SDC2: variants seen among roughly 807,000 people sequenced by gnomAD.
SDC2 encodes the protein syndecan 2, also known as syndecan-2.
A neutral mutation model predicts 22.2 loss-of-function variants in SDC2; 13 were observed. That is an observed-to-expected ratio of 0.59 (90% CI 0.38 to 0.93). The LOEUF (loss-of-function observed/expected upper bound fraction) is 0.93, where lower values mean the gene tolerates loss of function less well. Among genes scored for constraint, SDC2 ranks in the 40% least tolerant of loss-of-function variants. The pLI is 0.00. For missense variants in SDC2, 235 were observed against 246.8 expected, an observed-to-expected ratio of 0.95 and a Z score of 0.32; for synonymous variants, 94 against 92.8, an observed-to-expected ratio of 1.01 and a Z score of -0.07.
At chr8:96,576,412 T>TTC (rs1298064930) in intron 1 of SDC2, among the ~76,000 whole-genome samples, 2 of 34,808 alleles carry the variant, frequency 5.7e-5, no homozygotes, top group East Asian at 6.9e-4. Context: ...TGCTTTATTA[T>TTC]TCTCTTTTTT....
chr8:96,571,498 C>T (rs1039587593), intron 1 of SDC2, among the ~76,000 whole-genome samples: 4 of 152,150 alleles, frequency 2.6e-5, no homozygotes, highest in Admixed American at 6.5e-5. Context: ...TTAAACCATG[C>T]GAAATTGCTG....
rs571552792 is a variant in SDC2 at position 96,583,661 on chromosome 8, A to AAT, written c.61-9810_61-9809dup. Among the ~76,000 whole-genome samples the AAT allele has an allele frequency of 4.2e-5, 6 of 142,606 alleles. No homozygotes were observed. In the South Asian group the frequency reaches 9.1e-4, roughly 22 times the overall value. 93.6% of individuals were successfully genotyped at this position (142,606 alleles called of 152,430 possible). ...TCTATTCCCTTTCAGTGCTTGGCCA[A>AAT]ATATATATATGTATTTGAAATATAT... On this transcript the variant is annotated intron_variant, in intron 1 of 4. Transcript: ENST00000302190.
In SDC2 at chr8:96,501,295, C is replaced by CTTTTT. The variant is rs35998270; in HGVS notation, c.60+6989_60+6993dup. 6.7e-4 allele frequency among the ~76,000 whole-genome samples: 37 copies of CTTTTT among 55,160 alleles called. 1 individual carries two copies. Among genetic ancestry groups the CTTTTT allele is most frequent in the African/African-American group, 9.4e-4 (13 of 13,808 alleles). The allele number at this position is 55,160 out of a possible 152,430, so 36.2% of individuals were successfully genotyped here. ...TAAGGGAAAAGTTAAATACGTATTT[C>CTTTTT]TTTTTTTTTTTTTTTTTTTTTTTTT... is the stretch of plus-strand genomic sequence containing the variant. On this transcript the variant is annotated intron_variant, in intron 1 of 4. Coordinates refer to ENST00000302190, the MANE Select transcript of SDC2 (RefSeq NM_002998.4).
intron 1 of SDC2, among the ~76,000 whole-genome samples, chr8:96,525,232 C>T (rs1813559059): frequency 6.6e-6 from 1 of 152,204 alleles, no homozygotes; most frequent in South Asian, 2.1e-4. Context: ...AGGGCAGGAA[C>T]TGGCACTGTC....
At chr8:96,595,786 C>A (rs980596578) in intron 2 of SDC2, among the ~76,000 whole-genome samples, 1 of 152,154 alleles carries the variant, frequency 6.6e-6, no homozygotes, top group South Asian at 2.1e-4. Flanking sequence ...CCTCTACAGA[C>A]CCCCTGCCCC....
chr8:96,561,009 C>A (rs1358628786), intron 1 of SDC2, among the ~76,000 whole-genome samples: 1 of 152,112 alleles, frequency 6.6e-6, no homozygotes, highest in Non-Finnish European at 1.5e-5. Context: ...GAGGCTGAGG[C>A]ATGAGAATCA....
chr8:96,565,811 A>G (rs1814290758), intron 1 of SDC2, among the ~76,000 whole-genome samples: 1 of 152,170 alleles, frequency 6.6e-6, no homozygotes, highest in South Asian at 2.1e-4. Flanking sequence ...TGGGAGGTGA[A>G]GGATTCAGGG....
intron 1 of SDC2, among the ~76,000 whole-genome samples, chr8:96,565,636 G>A (rs1814288032): frequency 6.6e-6 from 1 of 152,156 alleles, no homozygotes; most frequent in African/African-American, 2.4e-5. Flanking sequence ...AGTACTGAAT[G>A]TGTGGCCTTT....
intron 1 of SDC2, among the ~76,000 whole-genome samples, chr8:96,560,881 G>A (rs1034351125): frequency 2.0e-5 from 3 of 152,160 alleles, no homozygotes; most frequent in Non-Finnish European, 4.4e-5. Flanking sequence ...TGAGGTGGAC[G>A]GGTCACTTGA....
At chr8:96,559,716 C>G (rs1032167376) in intron 1 of SDC2, among the ~76,000 whole-genome samples, 4 of 152,108 alleles carry the variant, frequency 2.6e-5, no homozygotes, top group African/African-American at 9.7e-5. Context: ...CTTGTAGTCT[C>G]CATTCTCTAA....
intron 1 of SDC2, among the ~76,000 whole-genome samples, chr8:96,521,439 G>A (rs1045739835): frequency 1.3e-5 from 2 of 152,134 alleles, no homozygotes; most frequent in African/African-American, 4.8e-5. Context: ...AAGGAAGGAT[G>A]TTTATGGAAT....
At chr8:96,579,434 A>G (rs1243146377) in intron 1 of SDC2, among the ~76,000 whole-genome samples, 1 of 152,240 alleles carries the variant, frequency 6.6e-6, no homozygotes, top group Non-Finnish European at 1.5e-5. Flanking sequence ...GTGAAAAGGC[A>G]AACTTGACAG....
intron 1 of SDC2, among the ~76,000 whole-genome samples, chr8:96,559,254 G>C (rs2575715): frequency 6.6e-5 from 10 of 152,208 alleles, no homozygotes; most frequent in African/African-American, 1.9e-4. Flanking sequence ...TTGAGGTGAG[G>C]CTTGAAAGAT....
chr8:96,494,289 C>A lies in SDC2; in HGVS notation c.18C>A (p.Ile6=), dbSNP rs201756270. ...TGGGGAATATGCGGCGCGCGTGGATCCTGCTCACCTTGGGCTTGGTGGCCT... is the reference window on the plus strand; with the variant it reads ...TGGGGAATATGCGGCGCGCGTGGATACTGCTCACCTTGGGCTTGGTGGCCT... MRRAW[I]LLTLGLVACV... is the part of the protein sequence containing the mutation. Residue 6 remains isoleucine (I), a synonymous_variant, in exon 1 of 5, where the codon ATC becomes ATA. Coordinates refer to ENST00000302190, the MANE Select transcript of SDC2 (RefSeq NM_002998.4). 27 of 1,547,002 alleles carry A rather than the reference C, an allele frequency of 1.7e-5. No homozygotes were observed. The East Asian group carries it at 6.5e-4, about 37-fold the overall frequency.
chr8:96,515,438 G>A (rs1441581574), intron 1 of SDC2, among the ~76,000 whole-genome samples: 15 of 152,110 alleles, frequency 9.9e-5, no homozygotes, highest in African/African-American at 3.1e-4. Flanking sequence ...ATAAGAGGAT[G>A]GAGGTTGCTC....
intron 1 of SDC2, among the ~76,000 whole-genome samples, chr8:96,537,576 A>T (rs1813774048): frequency 6.6e-6 from 1 of 152,224 alleles, no homozygotes; most frequent in Admixed American, 6.5e-5. Context: ...GGTCAGAAAA[A>T]CTGCATAGAA....
rs372198190 is a variant in SDC2, at chr8:96,605,920, A to G, written c.307-2415A>G. Among the ~76,000 whole-genome samples, 143 of 152,298 alleles carry G rather than the reference A, an allele frequency of 9.4e-4. No homozygotes were observed. In the Middle Eastern group the frequency reaches 0.01, roughly 11 times the overall value. On this transcript the variant is annotated intron_variant, in intron 3 of 4. Transcript: ENST00000302190. Reference sequence around the variant, plus strand: ...CCCACAGGAGCTACTTGCACAGCCCAAGAAGGTGTGAGGTCTTTTCTTCTT... The same window carrying G: ...CCCACAGGAGCTACTTGCACAGCCCGAGAAGGTGTGAGGTCTTTTCTTCTT...
Position 96,518,469 on chromosome 8 carries a change from T to TGGG in SDC2, c.60+24138_60+24139insGGG, listed in dbSNP as rs1424602960. 3.9e-4 allele frequency among the ~76,000 whole-genome samples: 59 copies of TGGG among 151,488 alleles called. No individual in the cohort carries two copies. The East Asian group carries it at 8.5e-3, about 22-fold the overall frequency. On this transcript the variant is annotated intron_variant, in intron 1 of 4. Coordinates refer to ENST00000302190, the MANE Select transcript of SDC2 (RefSeq NM_002998.4). The stretch of plus-strand genomic sequence containing the variant: ...TCCGCCTCCCAGGTTCACGTCATTC[T>TGGG]CCTGCCTCAGCCTCCCAAGTAGCTG...
chr8:96,503,552 G>A (rs1453424268), intron 1 of SDC2, among the ~76,000 whole-genome samples: 1 of 151,932 alleles, frequency 6.6e-6, no homozygotes, highest in African/African-American at 2.4e-5. Context: ...TACACAGCAT[G>A]AATACAGGTA....
Sources: allele counts gnomAD v4.1 joint callset (sites outside exome capture counted in the v4.1 genomes callset), GRCh38; gene constraint gnomAD v4.1.1; transcripts MANE v1.5; gene names NCBI Gene and HGNC (gene_info 2026-07-23, HGNC 2026-07-21).